The following OCA2 variants were observed in gnomAD, a reference collection of about 807,000 sequenced individuals.
OCA2 encodes P protein.
OCA2 carries 77 observed loss-of-function variants against 100.2 expected under a neutral mutation model. That is an observed-to-expected ratio of 0.77 (90% confidence interval 0.64 to 0.93). OCA2 has a LOEUF of 0.93. OCA2 is among the 40% of genes least tolerant of loss of function. The probability of loss-of-function intolerance (pLI) is 0.00; values close to 1 mark genes in which losing one functional copy is unlikely to be tolerated. For missense variants in OCA2, 1,062 were observed against 1,089.1 expected (o/e 0.98, Z 0.35); for synonymous variants, 432 against 439.2 (o/e 0.98, Z 0.21).
At chr15:27,755,588 C>G (rs1259186592) in intron 23 of OCA2, 116 bp from the exon 24 acceptor site, 29 of 764,394 alleles carry the variant, frequency 3.8e-5, no homozygotes, top group Non-Finnish European at 6.7e-5. Context: ...ACAATGGCCA[C>G]TACCTTTTAT....
Position 27,824,425 on chromosome 15 carries a change from T to A in OCA2, c.2432+20534A>T, listed in dbSNP as rs1429905666. Among the ~76,000 whole-genome samples, 9 of 151,298 alleles carry A rather than the reference T, an allele frequency of 5.9e-5. No homozygotes were observed. The East Asian group carries it at 1.8e-3, about 30-fold the overall frequency. On this transcript the variant is annotated intron_variant, in intron 23 of 23. Transcript: ENST00000354638. Reference sequence around the variant, plus strand: ...AGAAAGTATGCAGCCTATGACATGATGCACAAAATAAGAGATAATGATCAA... The same window carrying A: ...AGAAAGTATGCAGCCTATGACATGAAGCACAAAATAAGAGATAATGATCAA...
intron 2 of OCA2, among the ~76,000 whole-genome samples, chr15:28,034,753 G>C (rs2043000031): frequency 6.6e-6 from 1 of 152,022 alleles, no homozygotes; most frequent in South Asian, 2.1e-4. Flanking sequence ...CTCCAGCCTA[G>C]ACAACAGACC....
intron 23 of OCA2, among the ~76,000 whole-genome samples, chr15:27,801,382 T>C (rs543818967): frequency 2.6e-4 from 40 of 151,918 alleles, no homozygotes; most frequent in African/African-American, 8.2e-4. Context: ...TGAAACCCCA[T>C]CTCTACTAAA....
At chr15:28,028,543 G>A (rs2042823489) in intron 3 of OCA2, among the ~76,000 whole-genome samples, 1 of 152,086 alleles carries the variant, frequency 6.6e-6, no homozygotes. Flanking sequence ...ACAGAAGCAT[G>A]AGCAGGAAGA....
At chr15:27,822,454 G>A (rs1457366836) in intron 23 of OCA2, among the ~76,000 whole-genome samples, 1 of 152,162 alleles carries the variant, frequency 6.6e-6, no homozygotes, top group Non-Finnish European at 1.5e-5. Context: ...CTAAGAGTGA[G>A]ACTGAGGGTT....
At chr15:28,039,794 G>A (rs2141450397) in intron 2 of OCA2, among the ~76,000 whole-genome samples, 1 of 152,274 alleles carries the variant, frequency 6.6e-6, no homozygotes, top group East Asian at 1.9e-4. Context: ...CAATGCTTTG[G>A]GAGGCCAAGG....
Position 28,014,842 on chromosome 15 carries a change from A to C in OCA2, c.978T>G (p.Ser326Arg). 1 of 1,614,088 alleles carries C rather than the reference A, an allele frequency of 6.2e-7. No individual in the cohort carries two copies. Among genetic ancestry groups the C allele is most frequent in the East Asian group, 2.2e-5 (1 of 44,870 alleles). Reference sequence around the variant, plus strand: ...TCGCGATGGTCACCTGGGTTTCTACACTTCCGCGGAGGTACTGATGAGCCA... The same window carrying C: ...TCGCGATGGTCACCTGGGTTTCTACCCTTCCGCGGAGGTACTGATGAGCCA... ...LLMAHQYLRGSVETQVTIATA... is the reference protein window; with the variant it reads ...LLMAHQYLRGRVETQVTIATA... Residue 326 changes from serine to arginine, a missense_variant, in exon 9 of 24, where the codon AGT (serine) becomes AGG (arginine). Physicochemically the swap from Ser to Arg is moderately radical, Grantham distance 110 (BLOSUM62 -1). Transcript: ENST00000354638.
Position 27,869,324 on chromosome 15 carries a change from T to G in OCA2, c.2244+1830A>C, listed in dbSNP as rs146684665. Among the ~76,000 whole-genome samples, 629 of 152,318 alleles carry G rather than the reference T, an allele frequency of 4.1e-3. 5 individuals are homozygous for G. The highest frequency in any genetic ancestry group is 0.014 in the African/African-American group (596 of 41,562). ...CCCACATTCATGAGGGCAGAGATGG[T>G]CCTGAGACTCCAGGGGAAGAACAGA... On this transcript the variant is annotated intron_variant, in intron 21 of 23. Transcript: ENST00000354638.
chr15:27,953,526 A>C (rs115024393), intron 17 of OCA2, among the ~76,000 whole-genome samples: 1 of 152,200 alleles, frequency 6.6e-6, no homozygotes, highest in African/African-American at 2.4e-5. Context: ...AGTGATGCGG[A>C]TTCTCACCAG....
intron 23 of OCA2, among the ~76,000 whole-genome samples, chr15:27,765,007 A>C (rs1436103369): frequency 6.6e-6 from 1 of 152,174 alleles, no homozygotes; most frequent in East Asian, 1.9e-4. Flanking sequence ...TTTTCCAGGA[A>C]AGGGGTGGGC....
chr15:27,860,824 G>C (rs1206992748), intron 21 of OCA2, among the ~76,000 whole-genome samples: 2 of 152,200 alleles, frequency 1.3e-5, no homozygotes, highest in African/African-American at 4.8e-5. Context: ...TCAGCAGTGG[G>C]ATTGCTAGGT....
chr15:27,778,401 AG>A (rs144022151), intron 23 of OCA2, among the ~76,000 whole-genome samples: 117 of 152,356 alleles, frequency 7.7e-4, no homozygotes, highest in African/African-American at 2.8e-3. Flanking sequence ...TCTCATCAGA[AG>A]AGTCTGTGTT....
intron 19 of OCA2, among the ~76,000 whole-genome samples, chr15:27,886,880 C>A (rs1463917487): frequency 1.3e-5 from 2 of 152,168 alleles, no homozygotes; most frequent in Admixed American, 6.5e-5. Flanking sequence ...GGAGAGGAAA[C>A]TGTTTGGGAT....
At chr15:28,097,989 G>A (rs1019423735) in intron 1 of OCA2, among the ~76,000 whole-genome samples, 1 of 152,180 alleles carries the variant, frequency 6.6e-6, no homozygotes, top group Non-Finnish European at 1.5e-5. Flanking sequence ...AGGTGACACA[G>A]GTGTCATGCC....
intron 18 of OCA2, among the ~76,000 whole-genome samples, chr15:27,927,940 C>T (rs899395615): frequency 2.6e-5 from 4 of 151,858 alleles, no homozygotes; most frequent in African/African-American, 4.8e-5. Flanking sequence ...TACAAGTGTG[C>T]ACCACCATGC....
intron 23 of OCA2, among the ~76,000 whole-genome samples, chr15:27,831,716 C>A (rs939955801): frequency 6.6e-6 from 1 of 152,198 alleles, no homozygotes; most frequent in African/African-American, 2.4e-5. Flanking sequence ...AATTCCCATG[C>A]AGGGAGAGGC....
rs1010197020 is a variant in OCA2, at chr15:28,058,138, C to G, written c.227+23510G>C. Among the ~76,000 whole-genome samples the G allele has an allele frequency of 5.3e-5, 8 of 152,308 alleles. No individual in the cohort carries two copies. In the East Asian group the frequency reaches 1.5e-3, roughly 29 times the overall value. On this transcript the variant is annotated intron_variant, in intron 2 of 23. Coordinates refer to ENST00000354638, the MANE Select transcript of OCA2 (RefSeq NM_000275.3). ...ACTGACCCTCAAAGCTTGAGGGTCC[C>G]CCCCAATAATGAAATGAGAGACTTT...
At chr15:27,902,859 C>G (rs1400728853) in intron 19 of OCA2, among the ~76,000 whole-genome samples, 1 of 152,236 alleles carries the variant, frequency 6.6e-6, no homozygotes, top group South Asian at 2.1e-4. Context: ...GTGTTCCAGG[C>G]ACAGTGCGTT....
chr15:27,721,055 G>A, the OCA2 span, among the ~76,000 whole-genome samples: 797 of 152,182 alleles, frequency 5.2e-3, 6 homozygotes, highest in African/African-American at 0.017. Flanking sequence ...GGCACTGCGC[G>A]GCTACCTTTA....
Sources: gnomAD v4.1 joint callset for allele counts (sites outside exome capture counted in the v4.1 genomes callset) on GRCh38, gnomAD v4.1.1 for gene constraint, MANE v1.5 for transcripts, NCBI Gene and HGNC (gene_info 2026-07-23, HGNC 2026-07-21) for gene names.